The following WNK4 variants were observed in gnomAD, a reference collection of about 807,000 sequenced individuals.
WNK4 encodes the protein serine/threonine-protein kinase WNK4.
WNK4 carries 94 observed loss-of-function variants against 116.2 expected under a neutral mutation model. That is an observed-to-expected ratio of 0.81 (90% CI 0.68 to 0.96). The LOEUF (loss-of-function observed/expected upper bound fraction) is 0.96. WNK4 is among the 40% of genes least tolerant of loss of function. The probability of loss-of-function intolerance (pLI) is 0.00; values close to 1 mark genes in which losing one functional copy is unlikely to be tolerated. For missense variants in WNK4, 1,542 were observed against 1,650.6 expected (o/e 0.93, Z 1.14); for synonymous variants, 655 against 672.7 (o/e 0.97, Z 0.41).
In WNK4 at chr17:42,785,053, C is replaced by G. The variant is rs1568027804; in HGVS notation, c.1171-44C>G. 3 of 1,588,184 alleles carry G rather than the reference C, an allele frequency of 1.9e-6. No homozygotes were observed. In the South Asian group the frequency reaches 3.4e-5, roughly 18 times the overall value. Reference sequence around the variant, plus strand: ...GTGGGGGGTGGTGTCAAGCCGAGAGCTGGGGATCAGAGGACGGGAGGTGTC... The same window carrying G: ...GTGGGGGGTGGTGTCAAGCCGAGAGGTGGGGATCAGAGGACGGGAGGTGTC... On this transcript the variant is annotated intron_variant, in intron 4 of 18. Transcript: ENST00000246914.
chr17:42,795,670 A>G lies in WNK4; in HGVS notation c.3068A>G (p.Lys1023Arg). ...LVGRFQVTSS[K>R]EPAEPLPLQP... The stretch of plus-strand genomic sequence containing the variant: ...GGGCGTTTCCAAGTGACTTCATCCA[A>G]GGAACCGGCTGAGCCTCTTCCCTTG... The change falls in exon 16 of 19, where the codon AAG becomes AGG. Residue 1023 changes from lysine to arginine, a missense_variant. Physicochemically the swap from Lys to Arg is conservative, Grantham distance 26. Coordinates refer to ENST00000246914, the MANE Select transcript of WNK4 (RefSeq NM_032387.5). 6.2e-7 allele frequency: 1 copy of G among 1,613,260 alleles called. No homozygotes were observed.
rs2054498008 is a variant in WNK4, at chr17:42,782,695, G to A, written c.619-63G>A. 1 of 1,598,036 alleles carries A rather than the reference G, an allele frequency of 6.3e-7. No individual in the cohort carries two copies. The highest frequency in any genetic ancestry group is 8.5e-7 in the Non-Finnish European group (1 of 1,170,340). ...ACCTCTTCCCCCAACCCCACTCCAG[G>A]TGTCCCTCTTCCTTTCTGTGGGTGT... On this transcript the variant is annotated intron_variant, in intron 1 of 18. Coordinates refer to ENST00000246914, the MANE Select transcript of WNK4 (RefSeq NM_032387.5). The surrounding 1 kb of genome is among the most constrained non-coding windows in gnomAD (Gnocchi z 4.2).
In WNK4 at chr17:42,795,200, G is replaced by C. The variant is rs1401010116; in HGVS notation, c.2779G>C (p.Ala927Pro). The C allele has an allele frequency of 1.2e-6, 2 of 1,613,546 alleles. No individual in the cohort carries two copies. The highest frequency in any genetic ancestry group is 2.2e-5 in the East Asian group (1 of 44,830). ...STTAAPLLSL[A>P]SAFSLAVMTV... ...CACAGCAGCCCCTCTCCTTTCTCTG[G>C]CTAGTGCCTTCTCACTGGCTGTGAT... Residue 927 changes from alanine (A) to proline (P), a missense_variant, in exon 14 of 19, where the codon GCT becomes CCT. Physicochemically the swap from Ala to Pro is conservative, Grantham distance 27 (BLOSUM62 -1). Transcript: ENST00000246914.
chr17:42,793,664 G>A lies in WNK4; in HGVS notation c.2230G>A (p.Val744Met), dbSNP rs2054628897. The A allele has an allele frequency of 6.2e-7, 1 of 1,614,132 alleles. No homozygotes were observed. Among genetic ancestry groups the A allele is most frequent in the Non-Finnish European group, 8.5e-7 (1 of 1,180,010 alleles). ...ACGGATTCGGGAGATTATCCAGCGA[G>A]TGGAGACCCTGTTGAAGAGAGACAC... Reference protein sequence around the residue: ...LRRIREIIQRVETLLKRDTGP... With the variant: ...LRRIREIIQRMETLLKRDTGP... The change falls in exon 12 of 19, where the codon GTG becomes ATG. Residue 744 changes from valine (V) to methionine (M), a missense_variant. Around this residue, in one of 7 missense-constraint regions of WNK4, gnomAD observed 808 missense variants for 873.6 expected, o/e 0.92. Coordinates refer to ENST00000246914, the MANE Select transcript of WNK4 (RefSeq NM_032387.5).
rs1415938074 is a variant in WNK4, at chr17:42,795,679, C to A, written c.3077C>A (p.Ala1026Asp). The change falls in exon 16 of 19, where the codon GCT becomes GAT. Residue 1026 changes from alanine to aspartate, a missense_variant. Ala to Asp is a moderately radical substitution (Grantham distance 126). Coordinates refer to ENST00000246914, the MANE Select transcript of WNK4 (RefSeq NM_032387.5). ...CAAGTGACTTCATCCAAGGAACCGG[C>A]TGAGCCTCTTCCCTTGCAGCCAACA... is the stretch of plus-strand genomic sequence containing the variant. ...RFQVTSSKEP[A>D]EPLPLQPTSP... The A allele has an allele frequency of 3.7e-6, 6 of 1,613,092 alleles. No homozygotes were observed. The highest frequency in any genetic ancestry group is 3.3e-4 in the Middle Eastern group (2 of 6,084).
chr17:42,785,331 T>C lies in WNK4; in HGVS notation c.1325T>C (p.Leu442Pro). 6.2e-7 allele frequency: 1 copy of C among 1,612,166 alleles called. No individual in the cohort carries two copies. The highest frequency in any genetic ancestry group is 1.3e-5 in the African/African-American group (1 of 75,040). ...GAGGAGCGCGGTGTGCACGTGGAAC[T>C]AGCGGAGGAGGACGACGGCGAGAAG... Reference protein sequence around the residue: ...FREERGVHVELAEEDDGEKPG... With the variant: ...FREERGVHVEPAEEDDGEKPG... Residue 442 changes from leucine (L) to proline (P), a missense_variant, in exon 6 of 19, where the codon CTA becomes CCA. This residue lies in a region of WNK4 where 808 missense variants were observed against 873.6 expected (regional missense o/e 0.92). Transcript: ENST00000246914.
rs1568029360 is a variant in WNK4, at chr17:42,787,362, C to T, written c.1561C>T (p.Arg521Cys). 5.0e-6 allele frequency: 8 copies of T among 1,614,036 alleles called. No homozygotes were observed. The highest frequency in any genetic ancestry group is 1.3e-5 in the African/African-American group (1 of 74,900). Residue 521 changes from arginine to cysteine, a missense_variant, in exon 7 of 19, where the codon CGT becomes TGT. This residue lies in a region of WNK4 where 808 missense variants were observed against 873.6 expected (regional missense o/e 0.92). Coordinates refer to ENST00000246914, the MANE Select transcript of WNK4 (RefSeq NM_032387.5). ...RERVAAIQRK[R>C]EKLRKARELE... ...ACGGGTTGCTGCCATCCAGCGAAAG[C>T]GTGAGAAGCTGCGTAAAGCAAGGGA...
Position 42,795,250 on chromosome 17 carries a change from C to T in WNK4, c.2829C>T (p.Ser943=), listed in dbSNP as rs570911752. 9.9e-6 allele frequency: 16 copies of T among 1,613,852 alleles called. No individual in the cohort carries two copies. The East Asian group carries it at 3.3e-4, about 34-fold the overall frequency. Reference sequence around the variant, plus strand: ...TGACTGTGGCCCAGTCCCTGCTGTCCCCCTCACCTGGGCTCCTTTCCCAGT... The same window carrying T: ...TGACTGTGGCCCAGTCCCTGCTGTCTCCCTCACCTGGGCTCCTTTCCCAGT... ...AVMTVAQSLL[S]PSPGLLSQSP... Residue 943 remains serine, a synonymous_variant, in exon 14 of 19, where the codon TCC becomes TCT. Transcript: ENST00000246914.
Position 42,782,426 on chromosome 17 carries a change from G to A in WNK4, c.619-332G>A, listed in dbSNP as rs1335839572. Reference sequence around the variant, plus strand: ...TGCTGCCTGCTCACTGCCAGCCCCCGGGTGCCCCCTCCCGCCCCATGGCCG... The same window carrying A: ...TGCTGCCTGCTCACTGCCAGCCCCCAGGTGCCCCCTCCCGCCCCATGGCCG... On this transcript the variant is annotated intron_variant, in intron 1 of 18. Coordinates refer to ENST00000246914, the MANE Select transcript of WNK4 (RefSeq NM_032387.5). The surrounding 1 kb of genome is among the most constrained non-coding windows in gnomAD (Gnocchi z 4.2). Among the ~76,000 whole-genome samples, 1 of 151,952 alleles carries A rather than the reference G, an allele frequency of 6.6e-6. No individual in the cohort carries two copies. The highest frequency in any genetic ancestry group is 2.4e-5 in the African/African-American group (1 of 41,224).
intron 6 of WNK4, 47 bp from the exon 7 acceptor site, chr17:42,787,231 G>C (rs199816296): frequency 9.9e-6 from 16 of 1,610,288 alleles, no homozygotes; most frequent in Non-Finnish European, 1.4e-5. Context: ...ATGGATCTTT[G>C]ATAGGGGGTC....
At position 42,787,847 on chromosome 17, in the gene WNK4, C is replaced by T. The variant is rs2054567702; in HGVS notation, c.1811C>T (p.Pro604Leu). 3 of 1,612,404 alleles carry T rather than the reference C, an allele frequency of 1.9e-6. No individual in the cohort carries two copies. The East Asian group carries it at 6.7e-5, about 36-fold the overall frequency. The change falls in exon 8 of 19, where the codon CCC becomes CTC. Residue 604 changes from proline to leucine, a missense_variant. Pro to Leu is a moderately conservative substitution (Grantham distance 98, BLOSUM62 -3). Coordinates refer to ENST00000246914, the MANE Select transcript of WNK4 (RefSeq NM_032387.5). The part of the protein sequence containing the change: ...FLDASDPALQ[P>L]PGGVPSSLAE... Reference sequence around the variant, plus strand: ...GATGCCTCAGACCCTGCCCTTCAGCCCCCTGGGGGGGTGCCATCCAGCCTG... The same window carrying T: ...GATGCCTCAGACCCTGCCCTTCAGCTCCCTGGGGGGGTGCCATCCAGCCTG...
chr17:42,794,701 A>G, intron 13 of WNK4, 33 bp downstream of exon 13: 1 of 1,612,960 alleles, frequency 6.2e-7, no homozygotes, highest in African/African-American at 1.3e-5. Context: ...GCTCATCCCA[A>G]CCCCTGGGGT....
intron 11 of WNK4, among the ~76,000 whole-genome samples, chr17:42,793,302 C>T (rs905523040): frequency 1.3e-5 from 2 of 152,024 alleles, no homozygotes; most frequent in Non-Finnish European, 2.9e-5. Flanking sequence ...CCACCGTTTC[C>T]CAGGTTCAAG....
chr17:42,792,068 C>T (rs1163460283), intron 11 of WNK4, among the ~76,000 whole-genome samples: 2 of 152,170 alleles, frequency 1.3e-5, no homozygotes, highest in Admixed American at 6.6e-5. Flanking sequence ...AGGAAGGGGT[C>T]GCTTTCATGT....
At position 42,796,824 on chromosome 17, in the gene WNK4, G is replaced by A. The variant is rs2054682180; in HGVS notation, c.*136G>A. The A allele has an allele frequency of 6.3e-7, 1 of 1,575,422 alleles. No homozygotes were observed. Among genetic ancestry groups the A allele is most frequent in the Non-Finnish European group, 8.7e-7 (1 of 1,148,556 alleles). ...ACTGAAGGGGTAGAAGGCCAGGGGG[G>A]CATGGAGAGTGCAGCTCCATTATAG... is the stretch of plus-strand genomic sequence containing the variant. On this transcript the variant is annotated 3_prime_UTR_variant, in exon 19 of 19. Coordinates refer to ENST00000246914, the MANE Select transcript of WNK4 (RefSeq NM_032387.5).
In WNK4 at chr17:42,787,711, AG is replaced by A. The variant is rs916946582; in HGVS notation, c.1742-65del. ...GCTCCAGGCCCCTCCTTGCTTAGGC[AG>A]GCCCCATCCTCTGCCACTATTCCCT... On this transcript the variant is annotated intron_variant, in intron 7 of 18. Transcript: ENST00000246914. 3 of 1,603,316 alleles carry A rather than the reference AG, an allele frequency of 1.9e-6. No individual in the cohort carries two copies. The African/African-American group carries it at 4.0e-5, about 21-fold the overall frequency.
chr17:42,795,329 G>C lies in WNK4; in HGVS notation c.2908G>C (p.Ala970Pro), dbSNP rs372187677. 4.3e-6 allele frequency: 7 copies of C among 1,613,574 alleles called. No individual in the cohort carries two copies. Among genetic ancestry groups the C allele is most frequent in the Non-Finnish European group, 5.9e-6 (7 of 1,179,924 alleles). Reference sequence around the variant, plus strand: ...TAGCCTGCCCCTTCCCCCTCCCGTTGCTCCTGGTGGCCAGGAAAGCCCTTC... The same window carrying C: ...TAGCCTGCCCCTTCCCCCTCCCGTTCCTCCTGGTGGCCAGGAAAGCCCTTC... ...LPSLPLPPPV[A>P]PGGQESPSPH... Residue 970 changes from alanine (A) to proline (P), a missense_variant, in exon 14 of 19, where the codon GCT (alanine) becomes CCT (proline). This residue lies in a region of WNK4 where 292 missense variants were observed against 290.1 expected (regional missense o/e 1.01). Coordinates refer to ENST00000246914, the MANE Select transcript of WNK4 (RefSeq NM_032387.5).
Position 42,780,692 on chromosome 17 carries a change from C to A in WNK4, c.-7C>A, listed in dbSNP as rs202057094. On this transcript the variant is annotated 5_prime_UTR_variant, in exon 1 of 19. Transcript: ENST00000246914. ...ATTTTCTACCCTTCGGCGCCCTGCT[C>A]TTCCTCATGTTGGCATCCCCGGCCA... is the stretch of plus-strand genomic sequence containing the variant. 7 of 1,606,988 alleles carry A rather than the reference C, an allele frequency of 4.4e-6. No individual in the cohort carries two copies. Among genetic ancestry groups the A allele is most frequent in the Non-Finnish European group, 5.9e-6 (7 of 1,179,466 alleles).
rs528097754 is a variant in WNK4 at position 42,783,034 on chromosome 17, A to G, written c.791+104A>G. 9.0e-5 allele frequency: 130 copies of G among 1,437,140 alleles called. 1 individual carries two copies. Among genetic ancestry groups the G allele is most frequent in the South Asian group, 4.5e-4 (36 of 80,826 alleles). 89.0% of individuals were successfully genotyped at this position (1,437,140 alleles called of 1,614,324 possible). A position where few individuals can be genotyped will look rare whatever the true frequency, so the allele number is the denominator to read the frequency against. On this transcript the variant is annotated intron_variant, in intron 2 of 18. Transcript: ENST00000246914. ...AAACTCTCTAATATCCAGGTGTAAAACCAGGTTCACCATCTCCCTCTCACC... is the reference window on the plus strand; with the variant it reads ...AAACTCTCTAATATCCAGGTGTAAAGCCAGGTTCACCATCTCCCTCTCACC...
Sources: allele counts gnomAD v4.1 joint callset (sites outside exome capture counted in the v4.1 genomes callset), GRCh38; gene constraint gnomAD v4.1.1; regional missense constraint gnomAD v4.1.1; non-coding constraint Gnocchi (gnomAD v3.1); transcripts MANE v1.5; gene names NCBI Gene and HGNC (gene_info 2026-07-23, HGNC 2026-07-21).